The following CCDC33 variants were observed in gnomAD, a reference collection of about 807,000 sequenced individuals.
CCDC33 encodes coiled-coil domain-containing protein 33.
Under a neutral mutation model 91.9 loss-of-function variants are expected in CCDC33, and 94 were observed. The observed-to-expected ratio is 1.02, with a 90% CI of 0.87 to 1.21. CCDC33 has a LOEUF of 1.21. Among genes scored for constraint, CCDC33 ranks in the 50% most tolerant of loss-of-function variants. The probability of loss-of-function intolerance (pLI) is 0.00; values close to 1 mark genes in which losing one functional copy is unlikely to be tolerated. For missense variants in CCDC33, 940 were observed against 935.5 expected, an observed-to-expected ratio of 1.00 and a Z score of -0.06; for synonymous variants, 396 against 374.5, an observed-to-expected ratio of 1.06 and a Z score of -0.66.
At chr15:74,327,690 A>G (rs2060337088) in intron 11 of CCDC33, among the ~76,000 whole-genome samples, 1 of 152,198 alleles carries the variant, frequency 6.6e-6, no homozygotes. Context: ...GCTGAGTTGG[A>G]GAACAGGAGG....
chr15:74,264,777 C>T (rs2076124572), intron 3 of CCDC33, among the ~76,000 whole-genome samples: 1 of 152,212 alleles, frequency 6.6e-6, no homozygotes, highest in Non-Finnish European at 1.5e-5. Context: ...CTTGAAAACA[C>T]ACTCTTCTCC....
chr15:74,282,653 C>T (rs947744537), intron 10 of CCDC33, among the ~76,000 whole-genome samples: 2 of 152,322 alleles, frequency 1.3e-5, no homozygotes, highest in Non-Finnish European at 2.9e-5. Context: ...ATCATATTCA[C>T]GGGTTCCAAG....
rs773826161 is a variant in CCDC33 at position 74,280,039 on chromosome 15, C to T, written c.836C>T (p.Thr279Ile). 3 of 1,614,170 alleles carry T rather than the reference C, an allele frequency of 1.9e-6. No homozygotes were observed. The highest frequency in any genetic ancestry group is 2.2e-5 in the East Asian group (1 of 44,878). ...CTCTTCCAAGGCCGAGATGGAGCTACCAGCTTCTCAGAAGACACAGCCCTG... is the reference window on the plus strand; with the variant it reads ...CTCTTCCAAGGCCGAGATGGAGCTATCAGCTTCTCAGAAGACACAGCCCTG... The part of the protein sequence containing the change: ...SFLFQGRDGA[T>I]SFSEDTALVL... Residue 279 changes from threonine (T) to isoleucine (I), a missense_variant, in exon 8 of 19, where the codon ACC (threonine) becomes ATC (isoleucine). Thr to Ile is a moderately conservative substitution (Grantham distance 89). Transcript: ENST00000398814.
At chr15:74,304,573 A>G (rs2059856736) in intron 11 of CCDC33, 1 of 152,182 alleles carries the variant, frequency 6.6e-6, no homozygotes, top group African/African-American at 2.4e-5. Context: ...GTGTTTGTCG[A>G]TTTATTGTCT....
intron 7 of CCDC33, among the ~76,000 whole-genome samples, chr15:74,273,734 G>T (rs576439452): frequency 6.6e-6 from 1 of 151,782 alleles, no homozygotes; most frequent in South Asian, 2.1e-4. Flanking sequence ...CTCCCAAAAG[G>T]CTGGGATTAC....
chr15:74,326,620 T>C (rs2060315198), intron 11 of CCDC33, among the ~76,000 whole-genome samples: 1 of 152,226 alleles, frequency 6.6e-6, no homozygotes, highest in Admixed American at 6.5e-5. Flanking sequence ...CAGGATCTGA[T>C]AGCTGGGTCT....
upstream of CCDC33, among the ~76,000 whole-genome samples, chr15:74,233,383 G>C (rs534610077): frequency 6.6e-6 from 1 of 152,214 alleles, no homozygotes; most frequent in Non-Finnish European, 1.5e-5. Flanking sequence ...GTCTTCACTT[G>C]TTGGCTGAAG....
In CCDC33 at chr15:74,218,752, C is replaced by A; in HGVS notation, c.566C>A (p.Ala189Asp). Residue 189 changes from alanine (A) to aspartate (D), a missense_variant, in exon 2 of 3, where the codon GCC becomes GAC. Transcript: ENST00000635913. This position sits in a 1 kb window ranked among gnomAD's most constrained non-coding sequence, Gnocchi z 4.8. ...TGTGGGAGCCTGGCCTACAGTGTGG[C>A]CTTCCACGTCCACCGGGGCCCTCAG... The A allele has an allele frequency of 2.3e-6, 3 of 1,289,626 alleles. No individual in the cohort carries two copies. The highest frequency in any genetic ancestry group is 2.0e-6 in the Non-Finnish European group (2 of 988,726). 79.9% of individuals were successfully genotyped at this position (1,289,626 alleles called of 1,614,324 possible). A position where few individuals can be genotyped will look rare whatever the true frequency, so the allele number is the denominator to read the frequency against.
intron 1 of CCDC33, chr15:74,209,146 C>T (rs1388144029): frequency 5.4e-6 from 7 of 1,300,948 alleles, no homozygotes; most frequent in South Asian, 1.9e-5. Context: ...ACCCCCATCT[C>T]CAGCTCAGGC....
chr15:74,208,394 G>A (rs1441274480), intron 1 of CCDC33, among the ~76,000 whole-genome samples: 1 of 152,104 alleles, frequency 6.6e-6, no homozygotes, highest in Admixed American at 6.5e-5. Flanking sequence ...GCTGGCCACC[G>A]TGGTGTGGCC....
chr15:74,336,289 C>T, downstream of CCDC33: 4 of 1,413,210 alleles, frequency 2.8e-6, no homozygotes, highest in Non-Finnish European at 2.8e-6. Flanking sequence ...AGCCAAGGGC[C>T]ACAGTGGACC....
intron 11 of CCDC33, among the ~76,000 whole-genome samples, chr15:74,326,250 A>T (rs1001660479): frequency 1.3e-5 from 2 of 152,224 alleles, no homozygotes; most frequent in African/African-American, 4.8e-5. Flanking sequence ...ACTTGAGCCC[A>T]GAAGTTCGAG....
intron 2 of CCDC33, among the ~76,000 whole-genome samples, chr15:74,247,644 A>G (rs943693266): frequency 3.9e-5 from 6 of 152,238 alleles, no homozygotes; most frequent in South Asian, 2.1e-4. Context: ...ATAAACTCAT[A>G]GATGCAGAGA....
At chr15:74,307,033 T>C (rs1488273870) in intron 11 of CCDC33, among the ~76,000 whole-genome samples, 2 of 152,154 alleles carry the variant, frequency 1.3e-5, no homozygotes, top group African/African-American at 4.8e-5. Flanking sequence ...CTCCTGGCGC[T>C]GCTCCTTAGT....
chr15:74,262,941 T>C (rs1380129097), intron 3 of CCDC33, among the ~76,000 whole-genome samples: 1 of 152,222 alleles, frequency 6.6e-6, no homozygotes, highest in African/African-American at 2.4e-5. Flanking sequence ...GGAGCAATGC[T>C]GCTCCCATTG....
chr15:74,217,246 G>T, exon 1 of CCDC33: 9 of 1,245,636 alleles, frequency 7.2e-6, no homozygotes, highest in Non-Finnish European at 9.3e-6. Flanking sequence ...GCAGTGCTCA[G>T]CCTGGCAGTT....
intron 2 of CCDC33, among the ~76,000 whole-genome samples, chr15:74,226,133 C>T (rs143069430): frequency 4.6e-5 from 7 of 152,302 alleles, no homozygotes; most frequent in African/African-American, 1.7e-4. Flanking sequence ...CAGGGAGCTG[C>T]CAGGCTGGGC....
chr15:74,277,910 C>T (rs77499035), intron 7 of CCDC33, among the ~76,000 whole-genome samples: 4 of 152,284 alleles, frequency 2.6e-5, no homozygotes, highest in Admixed American at 1.3e-4. Context: ...AAGGTATGGA[C>T]GGCAGGGGAC....
chr15:74,320,677 C>T (rs2060188721), intron 11 of CCDC33, among the ~76,000 whole-genome samples: 1 of 152,156 alleles, frequency 6.6e-6, no homozygotes, highest in African/African-American at 2.4e-5. Flanking sequence ...CCTCCAGGCT[C>T]CCACCCCCAG....
Sources: allele counts gnomAD v4.1 joint callset (sites outside exome capture counted in the v4.1 genomes callset), GRCh38; gene constraint gnomAD v4.1.1; non-coding constraint Gnocchi (gnomAD v3.1); transcripts MANE v1.5; gene names NCBI Gene and HGNC (gene_info 2026-07-23, HGNC 2026-07-21).